ERCC6: variants seen among roughly 807,000 people sequenced by gnomAD.
ERCC6 encodes DNA excision repair protein ERCC-6.
Under a neutral mutation model 158.7 loss-of-function variants are expected in ERCC6, and 116 were observed. The observed-to-expected ratio is 0.73, with a 90% confidence interval of 0.63 to 0.85. ERCC6 has a LOEUF of 0.85. Ranked by LOEUF, ERCC6 falls within the 40% of genes least tolerant of loss-of-function variation. The pLI is 0.00. For synonymous variants in ERCC6, 678 were observed against 659.3 expected, an observed-to-expected ratio of 1.03 and a Z score of -0.43; for missense variants, 1,698 against 1,799.4, an observed-to-expected ratio of 0.94 and a Z score of 1.02.
chr10:49,458,718 G>T lies in ERCC6; in HGVS notation c.*97C>A. On this transcript the variant is annotated 3_prime_UTR_variant, in exon 21 of 21. Transcript: ENST00000355832. Reference sequence around the variant, plus strand: ...ATCATGCAAACAAACATCAAGTGCAGCCAACTTCCATTGACAAACATGATT... The same window carrying T: ...ATCATGCAAACAAACATCAAGTGCATCCAACTTCCATTGACAAACATGATT... 1 of 1,272,288 alleles carries T rather than the reference G, an allele frequency of 7.9e-7. No homozygotes were observed. Among genetic ancestry groups the T allele is most frequent in the Non-Finnish European group, 1.1e-6 (1 of 883,320 alleles). The allele number at this position is 1,272,288 out of a possible 1,614,324, so 78.8% of individuals were successfully genotyped here.
In ERCC6 at chr10:49,458,098, A is replaced by G. The variant is rs1265052629; in HGVS notation, c.*717T>C. The G allele has an allele frequency of 6.6e-6, 1 of 152,186 alleles. No individual in the cohort carries two copies. Among genetic ancestry groups the G allele is most frequent in the African/African-American group, 2.4e-5 (1 of 41,406 alleles). 9.4% of individuals were successfully genotyped at this position (152,186 alleles called of 1,614,324 possible). Reference sequence around the variant, plus strand: ...GGCTTTAATTTGATTTTTTTTAATGATAACACATTTTGTGACTGTAGGAGA... The same window carrying G: ...GGCTTTAATTTGATTTTTTTTAATGGTAACACATTTTGTGACTGTAGGAGA... On this transcript the variant is annotated 3_prime_UTR_variant, in exon 21 of 21. Transcript: ENST00000355832.
intron 8 of ERCC6, among the ~76,000 whole-genome samples, chr10:49,487,813 C>T (rs1851101781): frequency 6.6e-6 from 1 of 152,068 alleles, no homozygotes; most frequent in Admixed American, 6.5e-5. Context: ...ACAAAACTTC[C>T]TGTGTTCAGG....
At chr10:49,478,586 T>G in intron 10 of ERCC6, 116 bp from the exon 11 acceptor site, 6 of 750,062 alleles carry the variant, frequency 8.0e-6, no homozygotes, top group Non-Finnish European at 9.5e-6. Flanking sequence ...AACAGCTGTA[T>G]AAAGTCAGTG....
the ERCC6 span, among the ~76,000 whole-genome samples, chr10:49,441,703 A>C: frequency 6.6e-6 from 1 of 152,162 alleles, no homozygotes; most frequent in Non-Finnish European, 1.5e-5. Context: ...GTTCGCAGCC[A>C]GGGAGCTCGG....
In ERCC6 at chr10:49,472,308, C is replaced by A; in HGVS notation, c.2924+68G>T. On this transcript the variant is annotated intron_variant, in intron 16 of 20. Coordinates refer to ENST00000355832, the MANE Select transcript of ERCC6 (RefSeq NM_000124.4). ...GATGTTAAGACTTTTAAAAACAACA[C>A]TTTGGAAAAATTCCCTGCTCAAGAC... 4 of 1,382,914 alleles carry A rather than the reference C, an allele frequency of 2.9e-6. No homozygotes were observed. In the South Asian group the frequency reaches 4.6e-5, roughly 16 times the overall value. 85.7% of individuals were successfully genotyped at this position (1,382,914 alleles called of 1,614,324 possible). A position where few individuals can be genotyped will look rare whatever the true frequency, so the allele number is the denominator to read the frequency against.
chr10:49,458,858 G>C lies in ERCC6; in HGVS notation c.4439C>G (p.Ser1480Cys), dbSNP rs1850525480. 2.5e-6 allele frequency: 4 copies of C among 1,614,050 alleles called. No homozygotes were observed. The highest frequency in any genetic ancestry group is 1.7e-6 in the Non-Finnish European group (2 of 1,180,028). ...LRNLCTFHRTSGGEGIWKLKP... is the reference protein window; with the variant it reads ...LRNLCTFHRTCGGEGIWKLKP... ...GAGTTTCCAAATTCCTTCACCACCAGAAGTTCTATGGAAAGTGCACAGATT... is the reference window on the plus strand; with the variant it reads ...GAGTTTCCAAATTCCTTCACCACCACAAGTTCTATGGAAAGTGCACAGATT... Residue 1480 changes from serine (S) to cysteine (C), a missense_variant, in exon 21 of 21, where the codon TCT becomes TGT. Transcript: ENST00000355832.
At position 49,493,188 on chromosome 10, in the gene ERCC6, C is replaced by G; in HGVS notation, c.1750G>C (p.Glu584Gln). The G allele has an allele frequency of 6.2e-7, 1 of 1,614,092 alleles. No individual in the cohort carries two copies. Residue 584 changes from glutamate to glutamine, a missense_variant, in exon 8 of 21, where the codon GAA becomes CAA. Coordinates refer to ENST00000355832, the MANE Select transcript of ERCC6 (RefSeq NM_000124.4). ...PTTVMHQWVKEFHTWWPPFRV... is the reference protein window; with the variant it reads ...PTTVMHQWVKQFHTWWPPFRV... ...AACGGAGGCCACCACGTGTGAAATT[C>G]CTTCACCCACTGATGCATCACTGTT...
At chr10:49,443,168 C>A in the ERCC6 span, among the ~76,000 whole-genome samples, 1 of 152,152 alleles carries the variant, frequency 6.6e-6, no homozygotes, top group Non-Finnish European at 1.5e-5. Flanking sequence ...TCTGAAAGAA[C>A]CTTTTGCCAT....
intron 8 of ERCC6, among the ~76,000 whole-genome samples, chr10:49,486,958 C>T (rs960940321): frequency 8.5e-5 from 13 of 152,100 alleles, no homozygotes; most frequent in African/African-American, 2.9e-4. Flanking sequence ...CAGATAAAAC[C>T]TAGTAATATA....
chr10:49,439,153 C>T, the ERCC6 span, among the ~76,000 whole-genome samples: 3,335 of 152,302 alleles, frequency 0.022, 65 homozygotes, highest in Non-Finnish European at 0.031. Context: ...TGCCTGGGGG[C>T]CCTGACTCCA....
chr10:49,508,403 C>T (rs892628930), intron 5 of ERCC6, among the ~76,000 whole-genome samples: 1 of 152,148 alleles, frequency 6.6e-6, no homozygotes, highest in African/African-American at 2.4e-5. Context: ...CTCCTCCTCC[C>T]TCCCTCCTAA....
intron 18 of ERCC6, 25 bp downstream of exon 18, chr10:49,470,157 G>A: frequency 6.2e-7 from 1 of 1,604,776 alleles, no homozygotes; most frequent in South Asian, 1.1e-5. Context: ...TAGCATCCCT[G>A]TGGCAAACGT....
chr10:49,481,002 A>T (rs1850969087), intron 10 of ERCC6, among the ~76,000 whole-genome samples: 2 of 152,230 alleles, frequency 1.3e-5, no homozygotes, highest in African/African-American at 4.8e-5. Flanking sequence ...GACTCCTATT[A>T]ATGTTAAACT....
chr10:49,447,260 T>G, the ERCC6 span, among the ~76,000 whole-genome samples: 4 of 152,222 alleles, frequency 2.6e-5, no homozygotes, highest in Non-Finnish European at 2.9e-5. Flanking sequence ...AAAGCAATAT[T>G]GAACACCTGA....
chr10:49,468,426 T>C (rs1266573181), intron 18 of ERCC6, among the ~76,000 whole-genome samples: 2 of 152,196 alleles, frequency 1.3e-5, no homozygotes, highest in Non-Finnish European at 2.9e-5. Flanking sequence ...GCTCAGTTCA[T>C]TTGTTTCCCA....
intron 18 of ERCC6, among the ~76,000 whole-genome samples, chr10:49,462,482 AGACT>A (rs1850600474): frequency 6.6e-6 from 1 of 151,346 alleles, no homozygotes; most frequent in Non-Finnish European, 1.5e-5. Flanking sequence ...AATTAATAAA[AGACT>A]GACAATTTTT....
At chr10:49,536,865 G>T (rs1342240055) in intron 1 of ERCC6, among the ~76,000 whole-genome samples, 1 of 151,978 alleles carries the variant, frequency 6.6e-6, no homozygotes, top group African/African-American at 2.4e-5. Context: ...CTGACTTCAG[G>T]GTCCAAGCTG....
At chr10:49,484,033 C>T (rs777390307) in intron 8 of ERCC6, among the ~76,000 whole-genome samples, 4 of 151,804 alleles carry the variant, frequency 2.6e-5, no homozygotes, top group Non-Finnish European at 5.9e-5. Flanking sequence ...AATCCCAGCA[C>T]TTTGGGAGGC....
At chr10:49,530,022 G>T (rs1283245950) in intron 3 of ERCC6, among the ~76,000 whole-genome samples, 3 of 152,020 alleles carry the variant, frequency 2.0e-5, no homozygotes, top group Admixed American at 6.6e-5. Flanking sequence ...CCAAGCTCTC[G>T]CAACTGTCAG....
Sources: gnomAD v4.1 joint callset for allele counts (sites outside exome capture counted in the v4.1 genomes callset) on GRCh38, gnomAD v4.1.1 for gene constraint, MANE v1.5 for transcripts, NCBI Gene and HGNC (gene_info 2026-07-23, HGNC 2026-07-21) for gene names.